MIPOL1: variants seen among roughly 807,000 people sequenced by gnomAD.
The protein encoded by MIPOL1 is mirror-image polydactyly 1, also known as mirror-image polydactyly gene 1 protein.
MIPOL1 carries 57 observed loss-of-function variants against 60.9 expected under a neutral mutation model. The ratio of observed to expected loss-of-function variants is 0.94; its 90% CI spans 0.76 to 1.17. MIPOL1 has a LOEUF of 1.17. Among genes scored for constraint, MIPOL1 ranks in the 50% most tolerant of loss-of-function variants. MIPOL1 has a pLI of 0.00. For synonymous variants in MIPOL1, 179 were observed against 168.8 expected (o/e 1.06, Z -0.47); for missense variants, 551 against 511.6 (o/e 1.08, Z -0.74).
At chr14:37,238,971 A>G (rs1594669623) in intron 1 of MIPOL1, among the ~76,000 whole-genome samples, 1 of 151,198 alleles carries the variant, frequency 6.6e-6, no homozygotes, top group Admixed American at 6.6e-5. Context: ...AGTAATATAT[A>G]TATTTATTTT....
chr14:37,388,693 C>G (rs1269293247), intron 10 of MIPOL1, among the ~76,000 whole-genome samples: 1 of 151,978 alleles, frequency 6.6e-6, no homozygotes, highest in Non-Finnish European at 1.5e-5. Context: ...TTTTTTGTCA[C>G]TATAAATTCA....
chr14:37,402,402 T>C (rs1257971500), intron 10 of MIPOL1, among the ~76,000 whole-genome samples: 1 of 151,906 alleles, frequency 6.6e-6, no homozygotes, highest in East Asian at 1.9e-4. Context: ...TGAAATGAAA[T>C]AGGAAAAAGA....
chr14:37,425,720 A>G (rs2093949553), intron 11 of MIPOL1, among the ~76,000 whole-genome samples: 1 of 152,218 alleles, frequency 6.6e-6, no homozygotes, highest in Non-Finnish European at 1.5e-5. Context: ...ACAAAAGATC[A>G]TTGAGGTAGG....
At chr14:37,253,605 T>C (rs1974450362) in intron 3 of MIPOL1, among the ~76,000 whole-genome samples, 4 of 151,944 alleles carry the variant, frequency 2.6e-5, no homozygotes, top group Admixed American at 2.0e-4. Context: ...GTCTTTCTTA[T>C]TCCTTCTAGC....
intron 3 of MIPOL1, among the ~76,000 whole-genome samples, chr14:37,258,277 T>C (rs1340812272): frequency 6.6e-6 from 1 of 152,174 alleles, no homozygotes; most frequent in Non-Finnish European, 1.5e-5. Context: ...AGATTATTTA[T>C]GAAATTGTTG....
At chr14:37,518,590 C>T (rs1415613939) in intron 12 of MIPOL1, among the ~76,000 whole-genome samples, 1 of 152,070 alleles carries the variant, frequency 6.6e-6, no homozygotes, top group African/African-American at 2.4e-5. Context: ...TTACCTTGGC[C>T]TCCAAAAATG....
chr14:37,244,597 T>G (rs1972897169), intron 1 of MIPOL1, among the ~76,000 whole-genome samples: 1 of 152,086 alleles, frequency 6.6e-6, no homozygotes, highest in Admixed American at 6.6e-5. Flanking sequence ...AAACAAACTT[T>G]AGTTGCAAAT....
chr14:37,264,960 A>G (rs2082768991), intron 3 of MIPOL1, among the ~76,000 whole-genome samples: 1 of 151,834 alleles, frequency 6.6e-6, no homozygotes, highest in Non-Finnish European at 1.5e-5. Context: ...GATTTTCTCC[A>G]CTCCAAGTAT....
chr14:37,539,922 A>T (rs2095523046), intron 12 of MIPOL1, among the ~76,000 whole-genome samples: 1 of 152,192 alleles, frequency 6.6e-6, no homozygotes. Context: ...TAATTGAACC[A>T]TGGGAGCAGT....
chr14:37,417,951 G>T (rs1264364763), intron 10 of MIPOL1, among the ~76,000 whole-genome samples: 3 of 152,010 alleles, frequency 2.0e-5, no homozygotes, highest in Admixed American at 6.6e-5. Flanking sequence ...TGAACATGTT[G>T]TATTAGCAAC....
intron 7 of MIPOL1, among the ~76,000 whole-genome samples, chr14:37,299,666 A>T (rs2086190890): frequency 6.6e-6 from 1 of 152,112 alleles, no homozygotes; most frequent in African/African-American, 2.4e-5. Context: ...TCATACAGAT[A>T]GTTGCTGCAT....
chr14:37,458,845 G>A (rs1011449476), intron 11 of MIPOL1, among the ~76,000 whole-genome samples: 1 of 114,890 alleles, frequency 8.7e-6, no homozygotes, highest in African/African-American at 3.4e-5. Context: ...GAGAGAGACT[G>A]TCAATAAATA....
intron 11 of MIPOL1, among the ~76,000 whole-genome samples, chr14:37,477,541 T>C (rs977092386): frequency 3.9e-5 from 6 of 152,178 alleles, no homozygotes; most frequent in Non-Finnish European, 7.3e-5. Context: ...ATGCTTTTAA[T>C]GTCCCTGAGA....
At chr14:37,334,080 A>T (rs1166278097) in intron 9 of MIPOL1, among the ~76,000 whole-genome samples, 2 of 152,212 alleles carry the variant, frequency 1.3e-5, no homozygotes, top group South Asian at 2.1e-4. Flanking sequence ...TAATTCAAGG[A>T]TCAATGTAAA....
chr14:37,208,571 A>T lies in MIPOL1; in HGVS notation c.-199+10467A>T, dbSNP rs142187811. ...ATGAATGAATAAAAAGTGAGCACCCATGTAGCCACCATCAAAATATTGTTG... is the reference window on the plus strand; with the variant it reads ...ATGAATGAATAAAAAGTGAGCACCCTTGTAGCCACCATCAAAATATTGTTG... On this transcript the variant is annotated intron_variant, in intron 1 of 12. Coordinates refer to ENST00000684589, the MANE Select transcript of MIPOL1 (RefSeq NM_001388067.1). Among the ~76,000 whole-genome samples, 329 of 152,294 alleles carry T rather than the reference A, an allele frequency of 2.2e-3. 1 individual carries two copies. Among genetic ancestry groups the T allele is most frequent in the African/African-American group, 7.7e-3 (321 of 41,584 alleles).
chr14:37,389,542 G>T (rs2093174778), intron 10 of MIPOL1, among the ~76,000 whole-genome samples: 1 of 151,400 alleles, frequency 6.6e-6, no homozygotes, highest in South Asian at 2.1e-4. Flanking sequence ...TATATTTATT[G>T]TTCTATCTTC....
At chr14:37,288,531 T>C (rs2084782710) in intron 7 of MIPOL1, among the ~76,000 whole-genome samples, 1 of 152,064 alleles carries the variant, frequency 6.6e-6, no homozygotes, top group Non-Finnish European at 1.5e-5. Context: ...AGGCCGGACA[T>C]GGTAGCTCAC....
intron 10 of MIPOL1, among the ~76,000 whole-genome samples, chr14:37,378,711 G>C (rs757650218): frequency 7.9e-5 from 12 of 151,820 alleles, no homozygotes; most frequent in Non-Finnish European, 1.6e-4. Context: ...GGGACGGAAG[G>C]AAAGGAAGAA....
chr14:37,433,597 C>T (rs955753507), intron 11 of MIPOL1, among the ~76,000 whole-genome samples: 1 of 152,074 alleles, frequency 6.6e-6, no homozygotes, highest in African/African-American at 2.4e-5. Context: ...GATCTGTTGC[C>T]CAGGCTGGAG....
Sources: allele counts gnomAD v4.1 joint callset (sites outside exome capture counted in the v4.1 genomes callset), GRCh38; gene constraint gnomAD v4.1.1; transcripts MANE v1.5; gene names NCBI Gene and HGNC (gene_info 2026-07-23, HGNC 2026-07-21).